The following PTGER3 variants were observed in gnomAD, a reference collection of about 807,000 sequenced individuals.
PTGER3 encodes the protein prostaglandin E2 receptor EP3 subtype.
In PTGER3, 22 loss-of-function variants were observed where a neutral mutation model predicts 34.7. That is an observed-to-expected ratio of 0.63 (90% CI 0.45 to 0.91). The LOEUF (loss-of-function observed/expected upper bound fraction) is 0.91. Ranked by LOEUF, PTGER3 falls within the 40% of genes least tolerant of loss-of-function variation. PTGER3 has a pLI of 0.00. For synonymous variants in PTGER3, 241 were observed against 230.1 expected (o/e 1.05, Z -0.43); for missense variants, 468 against 519.4 (o/e 0.90, Z 0.96).
At chr1:70,996,482 T>C (rs1038264371) in intron 2 of PTGER3, among the ~76,000 whole-genome samples, 6 of 152,006 alleles carry the variant, frequency 3.9e-5, no homozygotes, top group African/African-American at 7.2e-5. Context: ...TGTTTTTGTT[T>C]TTGAGAAGGA....
At chr1:70,888,498 C>T (rs1420333725) in intron 4 of PTGER3, among the ~76,000 whole-genome samples, 2 of 151,058 alleles carry the variant, frequency 1.3e-5, no homozygotes, top group African/African-American at 2.5e-5. Flanking sequence ...ACATAGTTAC[C>T]TTTGTGTGTG....
intron 2 of PTGER3, chr1:71,012,087 T>A: frequency 6.7e-7 from 1 of 1,493,630 alleles, no homozygotes; most frequent in African/African-American, 1.4e-5. Flanking sequence ...TCTAAGACCA[T>A]TTAGCTTTAT....
rs1294956213 is a variant in PTGER3 at position 70,953,675 on chromosome 1, A to G, written c.1104+88T>C. ...AAGGAAAACACGAACTTTCAATTTAAGGAAATATGACAAACAGTACAGTTG... is the reference window on the plus strand; with the variant it reads ...AAGGAAAACACGAACTTTCAATTTAGGGAAATATGACAAACAGTACAGTTG... On this transcript the variant is annotated intron_variant, in intron 3 of 3. Coordinates refer to the PTGER3 transcript ENST00000356595. 3.3e-6 allele frequency: 5 copies of G among 1,516,286 alleles called. No homozygotes were observed. In the East Asian group the frequency reaches 1.3e-4, roughly 39 times the overall value. 93.9% of individuals were successfully genotyped at this position (1,516,286 alleles called of 1,614,324 possible). A position where few individuals can be genotyped will look rare whatever the true frequency, so the allele number is the denominator to read the frequency against.
At chr1:70,926,946 T>C (rs1009348924) in intron 4 of PTGER3, among the ~76,000 whole-genome samples, 1 of 152,152 alleles carries the variant, frequency 6.6e-6, no homozygotes, top group Non-Finnish European at 1.5e-5. Context: ...AACCATGTGG[T>C]TTTTGTCTTT....
At chr1:70,933,039 GTTATAA>G (rs1557665692) in intron 4 of PTGER3, among the ~76,000 whole-genome samples, 1 of 151,970 alleles carries the variant, frequency 6.6e-6, no homozygotes, top group Non-Finnish European at 1.5e-5. Flanking sequence ...TATCTATTGT[GTTATAA>G]TTATTTAATT....
At chr1:70,937,276 G>T (rs1320365669) in intron 4 of PTGER3, among the ~76,000 whole-genome samples, 2 of 152,148 alleles carry the variant, frequency 1.3e-5, no homozygotes, top group Non-Finnish European at 2.9e-5. Flanking sequence ...TTTTTATTTT[G>T]TGTTGCCAAA....
chr1:71,026,578 G>A (rs185837943), intron 1 of PTGER3, among the ~76,000 whole-genome samples: 17 of 151,706 alleles, frequency 1.1e-4, no homozygotes, highest in Admixed American at 5.3e-4. Context: ...TTCATCTTCC[G>A]TGTTTACCCC....
intron 4 of PTGER3, among the ~76,000 whole-genome samples, chr1:70,933,174 G>T (rs1433537699): frequency 6.6e-6 from 1 of 151,968 alleles, no homozygotes; most frequent in African/African-American, 2.4e-5. Flanking sequence ...CTTAATAATT[G>T]CTTGATTGAA....
intron 2 of PTGER3, among the ~76,000 whole-genome samples, chr1:71,001,293 A>G (rs1224810623): frequency 6.6e-6 from 1 of 152,214 alleles, no homozygotes; most frequent in East Asian, 1.9e-4. Context: ...AATCTATGTA[A>G]CTTACTCTTT....
At chr1:70,976,761 A>G (rs111640616) in intron 2 of PTGER3, among the ~76,000 whole-genome samples, 2,522 of 152,232 alleles carry the variant, frequency 0.017, 85 homozygotes, top group African/African-American at 0.058. Context: ...TAATACACTG[A>G]TCTTCATTCA....
chr1:70,860,054 G>A (rs1334832375), intron 4 of PTGER3, among the ~76,000 whole-genome samples: 3 of 151,980 alleles, frequency 2.0e-5, no homozygotes, highest in Non-Finnish European at 4.4e-5. Flanking sequence ...AGTGGGTGGG[G>A]GGGAGTGGGC....
intron 2 of PTGER3, chr1:71,011,021 A>G: frequency 1.0e-6 from 1 of 985,796 alleles, no homozygotes; most frequent in Non-Finnish European, 1.2e-6. Flanking sequence ...TACAAAATGA[A>G]TGCACCAAAG....
chr1:70,920,008 T>G (rs1339169560), intron 4 of PTGER3, among the ~76,000 whole-genome samples: 1 of 152,168 alleles, frequency 6.6e-6, no homozygotes, highest in Non-Finnish European at 1.5e-5. Flanking sequence ...GGGGCAAGCC[T>G]GGCTCACAGT....
In PTGER3 at chr1:71,047,546, G is replaced by A. The variant is rs1415139253; in HGVS notation, c.32C>T (p.Ala11Val). The A allele has an allele frequency of 2.5e-6, 4 of 1,571,670 alleles. No homozygotes were observed. The Admixed American group carries it at 5.6e-5, about 22-fold the overall frequency. The stretch of plus-strand genomic sequence containing the variant: ...GTGGTTGAGGCGGGTGCAGAAGGGG[G>A]CATCCCCTCCGTAGCCCCGGGTCTC... MKETRGYGGD[A>V]PFCTRLNHSY... Residue 11 changes from alanine (A) to valine (V), a missense_variant, in exon 1 of 4, where the codon GCC becomes GTC. By Grantham distance (64) the Ala-to-Val change is moderately conservative (BLOSUM62 0). Coordinates refer to ENST00000306666, the MANE Select transcript of PTGER3 (RefSeq NM_198719.2).
At chr1:71,019,945 T>C (rs1658248699) in intron 1 of PTGER3, among the ~76,000 whole-genome samples, 1 of 152,218 alleles carries the variant, frequency 6.6e-6, no homozygotes, top group Non-Finnish European at 1.5e-5. Context: ...TGCGATGTTT[T>C]GTTTTCCGTA....
intron 4 of PTGER3, among the ~76,000 whole-genome samples, chr1:70,881,874 T>G (rs2100596705): frequency 6.6e-6 from 1 of 152,348 alleles, no homozygotes; most frequent in South Asian, 2.1e-4. Flanking sequence ...CTACAGAGTT[T>G]AGGCAAAAGC....
At chr1:70,996,062 A>C (rs1405910315) in intron 2 of PTGER3, among the ~76,000 whole-genome samples, 1 of 152,132 alleles carries the variant, frequency 6.6e-6, no homozygotes, top group Non-Finnish European at 1.5e-5. Flanking sequence ...TAAATCCCCA[A>C]ATCCCTTCCA....
intron 2 of PTGER3, among the ~76,000 whole-genome samples, 153 bp from the exon 3 acceptor site, chr1:70,974,541 G>C (rs1377497911): frequency 1.3e-5 from 2 of 152,128 alleles, no homozygotes; most frequent in Non-Finnish European, 2.9e-5. Flanking sequence ...CTACTTCCAT[G>C]CTTTGACTCA....
chr1:70,935,093 C>T (rs376899376), intron 4 of PTGER3, among the ~76,000 whole-genome samples: 12 of 152,136 alleles, frequency 7.9e-5, no homozygotes, highest in African/African-American at 2.9e-4. Context: ...CAAGATGCCT[C>T]GATCCTAAAG....
Sources: gnomAD v4.1 joint callset for allele counts (sites outside exome capture counted in the v4.1 genomes callset) on GRCh38, gnomAD v4.1.1 for gene constraint, MANE v1.5 for transcripts, NCBI Gene and HGNC (gene_info 2026-07-23, HGNC 2026-07-21) for gene names.